The following ELMO1 variants were observed in gnomAD, a reference collection of about 807,000 sequenced individuals.
The protein encoded by ELMO1 is engulfment and cell motility protein 1.
In ELMO1, 26 loss-of-function variants were observed where a neutral mutation model predicts 98.9. The ratio of observed to expected loss-of-function variants is 0.26; its 90% CI spans 0.19 to 0.36. ELMO1 has a LOEUF of 0.36. Ranked by LOEUF, ELMO1 falls within the 10% of genes least tolerant of loss-of-function variation. The probability of loss-of-function intolerance (pLI) is 1.00; values close to 1 mark genes in which losing one functional copy is unlikely to be tolerated. For synonymous variants in ELMO1, 346 were observed against 346.0 expected (o/e 1.00, Z 0.00); for missense variants, 627 against 935.2 (o/e 0.67, Z 4.30).
intron 10 of ELMO1, among the ~76,000 whole-genome samples, chr7:37,217,515 G>T (rs1225856338): frequency 1.3e-5 from 2 of 151,686 alleles, no homozygotes; most frequent in African/African-American, 4.9e-5. Context: ...ACTGAGTAGA[G>T]AAGAAACTAA....
At chr7:36,897,700 A>G (rs757978066) in intron 16 of ELMO1, among the ~76,000 whole-genome samples, 6 of 152,074 alleles carry the variant, frequency 3.9e-5, no homozygotes, top group Non-Finnish European at 7.4e-5. Context: ...AATGTGGGGA[A>G]CTCTTTAACT....
chr7:37,203,086 C>A (rs1792391421), intron 13 of ELMO1, among the ~76,000 whole-genome samples: 1 of 152,164 alleles, frequency 6.6e-6, no homozygotes, highest in Admixed American at 6.5e-5. Flanking sequence ...GATGCAGCAG[C>A]AGAAACACTA....
At chr7:37,094,485 C>T (rs1260104453) in intron 15 of ELMO1, among the ~76,000 whole-genome samples, 2 of 152,152 alleles carry the variant, frequency 1.3e-5, no homozygotes, top group African/African-American at 4.8e-5. Context: ...ATTCTGTCCC[C>T]ACCCCATCCC....
rs541802405 is a variant in ELMO1, at chr7:37,154,739, G to A, written c.1087-21505C>T. ...ATGGAACCAAGTTGGAAAACACTCT[G>A]CAGGATATTACCCAGGAGGGCTTCC... On this transcript the variant is annotated intron_variant, in intron 13 of 21. Coordinates refer to ENST00000310758, the MANE Select transcript of ELMO1 (RefSeq NM_014800.11). 5.9e-5 allele frequency among the ~76,000 whole-genome samples: 9 copies of A among 152,272 alleles called. No homozygotes were observed. The South Asian group carries it at 1.5e-3, about 25-fold the overall frequency.
At chr7:36,899,857 C>G (rs572795397) in intron 16 of ELMO1, among the ~76,000 whole-genome samples, 181 of 151,806 alleles carry the variant, frequency 1.2e-3, no homozygotes, top group African/African-American at 4.1e-3. Flanking sequence ...AGTAATAATA[C>G]GAAATTCACA....
At chr7:37,214,358 T>C (rs1383858707) in intron 11 of ELMO1, among the ~76,000 whole-genome samples, 4 of 152,204 alleles carry the variant, frequency 2.6e-5, no homozygotes, top group Non-Finnish European at 4.4e-5. Context: ...TGGCAATCTG[T>C]AGTTGCTCCT....
intron 15 of ELMO1, among the ~76,000 whole-genome samples, chr7:37,064,699 C>A (rs1433011867): frequency 1.3e-5 from 2 of 152,200 alleles, no homozygotes; most frequent in African/African-American, 4.8e-5. Context: ...TAAAACCCTT[C>A]CTGCTTTTAA....
intron 4 of ELMO1, among the ~76,000 whole-genome samples, chr7:37,277,077 G>A (rs778094626): frequency 1.2e-4 from 18 of 152,158 alleles, no homozygotes; most frequent in African/African-American, 2.9e-4. Flanking sequence ...GGCACATGCC[G>A]GCACTCAAAA....
intron 1 of ELMO1, chr7:37,375,381 G>A: frequency 1.7e-6 from 1 of 584,352 alleles, no homozygotes; most frequent in Non-Finnish European, 3.1e-6. Flanking sequence ...TACCTATGCA[G>A]GTCTTAGCAG....
chr7:37,316,189 CA>C (rs1799144856), intron 2 of ELMO1, among the ~76,000 whole-genome samples: 2 of 152,116 alleles, frequency 1.3e-5, no homozygotes, highest in African/African-American at 4.8e-5. Flanking sequence ...CTATACTTAG[CA>C]TATTAGTTGA....
At chr7:36,863,716 A>G (rs532917508) in intron 20 of ELMO1, among the ~76,000 whole-genome samples, 165 of 152,342 alleles carry the variant, frequency 1.1e-3, no homozygotes, top group African/African-American at 3.8e-3. Flanking sequence ...ACTGATCACA[A>G]TTATGAACAA....
At chr7:37,282,981 A>G (rs1315682996) in intron 4 of ELMO1, among the ~76,000 whole-genome samples, 1 of 152,234 alleles carries the variant, frequency 6.6e-6, no homozygotes, top group Admixed American at 6.5e-5. Context: ...AGAGATATCT[A>G]TTAACTACCT....
At chr7:36,987,390 G>A (rs1791588878) in intron 16 of ELMO1, among the ~76,000 whole-genome samples, 1 of 152,192 alleles carries the variant, frequency 6.6e-6, no homozygotes, top group South Asian at 2.1e-4. Flanking sequence ...GGGGTCTGCG[G>A]AAGCCCTCAG....
At chr7:37,217,289 C>T (rs1793342329) in intron 10 of ELMO1, among the ~76,000 whole-genome samples, 1 of 152,148 alleles carries the variant, frequency 6.6e-6, no homozygotes, top group Non-Finnish European at 1.5e-5. Context: ...CTTGGCATCT[C>T]CTGACTGGTA....
intron 18 of ELMO1, among the ~76,000 whole-genome samples, chr7:36,883,048 G>T (rs1208748472): frequency 6.6e-6 from 1 of 152,168 alleles, no homozygotes; most frequent in African/African-American, 2.4e-5. Flanking sequence ...GGGCAATATG[G>T]TTACCATGCC....
In ELMO1 at chr7:37,189,339, G is replaced by T. The variant is rs563327451; in HGVS notation, c.1086+22047C>A. ...GAGATTCTAATGTGAACATGAGCAG[G>T]GAAGAAATGAATCCTTTTGAGAAAC... On this transcript the variant is annotated intron_variant, in intron 13 of 21. Transcript: ENST00000310758. Among the ~76,000 whole-genome samples, 4 of 152,266 alleles carry T rather than the reference G, an allele frequency of 2.6e-5. No individual in the cohort carries two copies. The East Asian group carries it at 7.7e-4, about 29-fold the overall frequency.
chr7:37,062,805 C>A (rs139498772), intron 15 of ELMO1, among the ~76,000 whole-genome samples: 1 of 152,246 alleles, frequency 6.6e-6, no homozygotes, highest in East Asian at 1.9e-4. Context: ...ACAGTTAGGT[C>A]GAACTTTGTA....
At chr7:37,200,056 T>C (rs1792198019) in intron 13 of ELMO1, among the ~76,000 whole-genome samples, 2 of 152,152 alleles carry the variant, frequency 1.3e-5, no homozygotes, top group Admixed American at 1.3e-4. Flanking sequence ...CTTTCCTACA[T>C]GTGCAGCTAC....
chr7:37,209,442 A>G (rs1792832233), intron 13 of ELMO1, among the ~76,000 whole-genome samples: 1 of 152,206 alleles, frequency 6.6e-6, no homozygotes, highest in African/African-American at 2.4e-5. Flanking sequence ...GATTTTCTAC[A>G]TAGCTCAGAA....
Sources: allele counts gnomAD v4.1 joint callset (sites outside exome capture counted in the v4.1 genomes callset), GRCh38; gene constraint gnomAD v4.1.1; transcripts MANE v1.5; gene names NCBI Gene and HGNC (gene_info 2026-07-23, HGNC 2026-07-21).